Variants in COL10A1 observed in about 807,000 individuals in gnomAD.
COL10A1 encodes the protein collagen alpha-1(X) chain.
Under a neutral mutation model 18.2 loss-of-function variants are expected in COL10A1, and 10 were observed. The observed-to-expected ratio is 0.55, with a 90% confidence interval of 0.34 to 0.93. The LOEUF (loss-of-function observed/expected upper bound fraction) is 0.93, where lower values mean the gene tolerates loss of function less well. Among genes scored for constraint, COL10A1 ranks in the 40% least tolerant of loss-of-function variants. The pLI, the probability that COL10A1 is intolerant of heterozygous loss-of-function variation, is 0.02. For synonymous variants in COL10A1, 330 were observed against 316.6 expected, an observed-to-expected ratio of 1.04 and a Z score of -0.45; for missense variants, 897 against 853.5, an observed-to-expected ratio of 1.05 and a Z score of -0.64.
At chr6:116,204,377 T>C in the COL10A1 span, among the ~76,000 whole-genome samples, 1 of 151,980 alleles carries the variant, frequency 6.6e-6, no homozygotes, top group Admixed American at 6.6e-5. Context: ...AAAGATGCAC[T>C]ACCTAATTAG....
intron 1 of COL10A1, among the ~76,000 whole-genome samples, chr6:116,154,971 G>T (rs1780147748): frequency 6.6e-6 from 1 of 152,096 alleles, no homozygotes; most frequent in African/African-American, 2.4e-5. Context: ...CAACCACATT[G>T]TTCTTTCTGT....
chr6:116,128,209 A>G (rs1010311015), upstream of COL10A1, among the ~76,000 whole-genome samples: 1 of 152,102 alleles, frequency 6.6e-6, no homozygotes, highest in Admixed American at 6.5e-5. Context: ...TAAGCCTTGG[A>G]CATTCAACCC....
At chr6:116,170,818 C>A in the COL10A1 span, among the ~76,000 whole-genome samples, 1 of 152,146 alleles carries the variant, frequency 6.6e-6, no homozygotes, top group South Asian at 2.1e-4. Flanking sequence ...GAAGATCTTG[C>A]AGTTCTCACT....
chr6:116,154,040 T>C (rs964059364), intron 1 of COL10A1, among the ~76,000 whole-genome samples: 2 of 151,280 alleles, frequency 1.3e-5, no homozygotes, highest in Non-Finnish European at 3.0e-5. Flanking sequence ...TTTTTTTTTT[T>C]TTTTTTTGAG....
the COL10A1 span, among the ~76,000 whole-genome samples, chr6:116,180,177 A>C: frequency 2.0e-5 from 3 of 152,074 alleles, no homozygotes; most frequent in African/African-American, 7.2e-5. Context: ...ATAGTATATA[A>C]GTAAAAGATT....
At chr6:116,136,070 C>G (rs1167618714) in intron 1 of COL10A1, among the ~76,000 whole-genome samples, 1 of 151,926 alleles carries the variant, frequency 6.6e-6, no homozygotes, top group Non-Finnish European at 1.5e-5. Flanking sequence ...CTTTGTGCCA[C>G]TTGAAAAACA....
chr6:116,135,863 A>ATATGTG (rs1779584183), intron 1 of COL10A1, among the ~76,000 whole-genome samples: 1 of 124,916 alleles, frequency 8.0e-6, no homozygotes, highest in African/African-American at 3.2e-5. Flanking sequence ...ATATATATAT[A>ATATGTG]TATATATATA....
chr6:116,146,427 A>T (rs542406277), intron 1 of COL10A1, among the ~76,000 whole-genome samples: 1 of 152,338 alleles, frequency 6.6e-6, no homozygotes, highest in South Asian at 2.1e-4. Context: ...CCATGACAAT[A>T]AGTAAATAAC....
the COL10A1 span, among the ~76,000 whole-genome samples, chr6:116,185,779 G>A: frequency 6.6e-6 from 1 of 151,984 alleles, no homozygotes; most frequent in African/African-American, 2.4e-5. Flanking sequence ...GTGAGTCTCT[G>A]GAAGACAGCA....
intron 1 of COL10A1, among the ~76,000 whole-genome samples, chr6:116,133,823 C>G (rs562481815): frequency 8.5e-5 from 13 of 152,204 alleles, no homozygotes; most frequent in Admixed American, 6.5e-4. Flanking sequence ...TCCTCTTTGC[C>G]TGCTTTCTTT....
intron 1 of COL10A1, among the ~76,000 whole-genome samples, chr6:116,157,568 A>T (rs1780227599): frequency 6.6e-6 from 1 of 152,240 alleles, no homozygotes; most frequent in Non-Finnish European, 1.5e-5. Flanking sequence ...GATCAAGTGT[A>T]TGTGAAATTG....
chr6:116,136,800 A>C (rs1260007376), intron 1 of COL10A1, among the ~76,000 whole-genome samples: 1 of 152,242 alleles, frequency 6.6e-6, no homozygotes, highest in Non-Finnish European at 1.5e-5. Flanking sequence ...TCTGTTACTC[A>C]GAACAAGAAG....
chr6:116,142,235 A>C (rs748707204), intron 1 of COL10A1, among the ~76,000 whole-genome samples: 4 of 152,056 alleles, frequency 2.6e-5, no homozygotes, highest in Non-Finnish European at 5.9e-5. Context: ...TAGTAATTTA[A>C]TTGTAAAAGA....
At chr6:116,195,164 A>G in the COL10A1 span, among the ~76,000 whole-genome samples, 2 of 152,022 alleles carry the variant, frequency 1.3e-5, no homozygotes, top group Non-Finnish European at 2.9e-5. Context: ...TGAAATGTCA[A>G]TCTGGTTAAT....
At chr6:116,136,328 C>A (rs972556484) in intron 1 of COL10A1, among the ~76,000 whole-genome samples, 16 of 148,498 alleles carry the variant, frequency 1.1e-4, no homozygotes, top group Non-Finnish European at 1.8e-4. Context: ...AATATGCACA[C>A]TTTTTTTTTT....
chr6:116,178,074 TGTGTGTGTGTGTGTGCGCGCGCGCGCGC>T, the COL10A1 span, among the ~76,000 whole-genome samples: 3 of 110,798 alleles, frequency 2.7e-5, no homozygotes, highest in Non-Finnish European at 5.7e-5. Flanking sequence ...TGTGTGTGTG[TGTGTGTGTGTGTGTGCGCGCGCGCGCGC>T]GTGCGTGCGT....
chr6:116,124,310 G>T (rs1017085172), intron 2 of COL10A1, among the ~76,000 whole-genome samples: 1 of 152,106 alleles, frequency 6.6e-6, no homozygotes, highest in Non-Finnish European at 1.5e-5. Context: ...TGGAAAGGGA[G>T]TTTGAAGCCT....
intron 1 of COL10A1, among the ~76,000 whole-genome samples, chr6:116,142,270 A>T (rs1779786446): frequency 6.6e-6 from 1 of 151,934 alleles, no homozygotes; most frequent in Non-Finnish European, 1.5e-5. Context: ...CTATTTGATT[A>T]AATTCTATTT....
chr6:116,150,201 A>G (rs1470531813), intron 1 of COL10A1, among the ~76,000 whole-genome samples: 1 of 152,210 alleles, frequency 6.6e-6, no homozygotes, highest in African/African-American at 2.4e-5. Context: ...AAACATTACT[A>G]TGGCTTTCAC....
Sources: allele counts gnomAD v4.1 joint callset (sites outside exome capture counted in the v4.1 genomes callset), GRCh38; gene constraint gnomAD v4.1.1; transcripts MANE v1.5; gene names NCBI Gene and HGNC (gene_info 2026-07-23, HGNC 2026-07-21).